Variants in C4orf50 observed in about 807,000 individuals in gnomAD.
The protein encoded by C4orf50 is uncharacterized protein C4orf50.
Under a neutral mutation model 77.2 loss-of-function variants are expected in C4orf50, and 80 were observed. That is an observed-to-expected ratio of 1.04 (90% CI 0.87 to 1.25). The LOEUF is 1.25. Ranked by LOEUF, C4orf50 falls within the 50% of genes most tolerant of loss-of-function variation. The pLI is 0.00. For missense variants in C4orf50, 1,257 were observed against 1,152.9 expected, an observed-to-expected ratio of 1.09 and a Z score of -1.31; for synonymous variants, 532 against 465.3, an observed-to-expected ratio of 1.14 and a Z score of -1.84.
At chr4:5,960,702 G>A (rs978337938) in intron 33 of C4orf50, among the ~76,000 whole-genome samples, 12 of 152,210 alleles carry the variant, frequency 7.9e-5, no homozygotes, top group African/African-American at 2.9e-4. Context: ...CAGGACGGAA[G>A]TACTGACTGC....
chr4:5,948,535 G>A (rs1718582918), intron 7 of C4orf50, among the ~76,000 whole-genome samples: 1 of 152,168 alleles, frequency 6.6e-6, no homozygotes, highest in Admixed American at 6.5e-5. Flanking sequence ...GGTGGCTCAC[G>A]CCTGTAATCC....
At position 5,916,476 on chromosome 4, in the gene C4orf50, C is replaced by T. The variant is rs901463014; in HGVS notation, c.*2475-18288G>A. ...TTTTCCCTCACATCGCAGCCCACTC[C>T]CTTCTTCCCCAGGACACAGAGGAGA... On this transcript the variant is annotated intron_variant, in intron 7 of 7. Coordinates refer to the C4orf50 transcript ENST00000324058. The surrounding 1 kb of genome is among the most constrained non-coding windows in gnomAD (Gnocchi z 4.4). Among the ~76,000 whole-genome samples, 2 of 152,268 alleles carry T rather than the reference C, an allele frequency of 1.3e-5. No individual in the cohort carries two copies. Among genetic ancestry groups the T allele is most frequent in the Admixed American group, 1.3e-4 (2 of 15,302 alleles).
chr4:5,934,869 T>C (rs1346664869), intron 7 of C4orf50, among the ~76,000 whole-genome samples: 1 of 152,246 alleles, frequency 6.6e-6, no homozygotes, highest in Non-Finnish European at 1.5e-5. Flanking sequence ...CAGCCTGGTA[T>C]AGGCTTAAGT....
intron 29 of C4orf50, among the ~76,000 whole-genome samples, chr4:5,979,956 C>CACATTTTAAA: frequency 6.6e-6 from 1 of 152,064 alleles, no homozygotes; most frequent in African/African-American, 2.4e-5. Context: ...AAAGAAACCA[C>CACATTTTAAA]ATATGTGCAT....
intron 25 of C4orf50, among the ~76,000 whole-genome samples, chr4:5,997,687 C>T (rs1276617667): frequency 6.6e-6 from 1 of 152,184 alleles, no homozygotes; most frequent in African/African-American, 2.4e-5. Flanking sequence ...TCAGGATATC[C>T]GGGCATAAAC....
Position 5,992,652 on chromosome 4 carries a change from ATCTC to A in C4orf50, c.1221+147_1221+150del, listed in dbSNP as rs1243233082. Among the ~76,000 whole-genome samples, 8 of 150,896 alleles carry A rather than the reference ATCTC, an allele frequency of 5.3e-5. No individual in the cohort carries two copies. The highest frequency in any genetic ancestry group is 1.2e-4 in the African/African-American group (5 of 41,144). On this transcript the variant is annotated intron_variant, in intron 27 of 33. Transcript: ENST00000531445. The surrounding 1 kb of genome is among the most constrained non-coding windows in gnomAD (Gnocchi z 5.0). The stretch of plus-strand genomic sequence containing the variant: ...AGGATGTTTCATTTCCTCTCCTCAA[ATCTC>A]TCTCTCAACTACTTCCAGAATGTTC...
chr4:6,010,551 G>A (rs1451627883), intron 24 of C4orf50, among the ~76,000 whole-genome samples: 1 of 152,164 alleles, frequency 6.6e-6, no homozygotes, highest in Non-Finnish European at 1.5e-5. Context: ...CCTCTAGCAC[G>A]TGCGATGTGC....
chr4:5,979,664 G>A (rs1720464060), intron 29 of C4orf50, among the ~76,000 whole-genome samples: 1 of 152,202 alleles, frequency 6.6e-6, no homozygotes, highest in African/African-American at 2.4e-5. Context: ...CACCTGGGCT[G>A]GAGTGTACCT....
At chr4:5,923,293 T>G (rs1302915342) in intron 7 of C4orf50, 1 of 154,220 alleles carries the variant, frequency 6.5e-6, no homozygotes, top group Non-Finnish European at 1.5e-5. Context: ...TGACTCCAAG[T>G]CCAGTAATAA....
downstream of C4orf50, among the ~76,000 whole-genome samples, chr4:5,954,417 G>C (rs1166438681): frequency 2.0e-5 from 3 of 152,142 alleles, no homozygotes; most frequent in African/African-American, 7.2e-5. This position sits in a 1 kb window ranked among gnomAD's most constrained non-coding sequence, Gnocchi z 4.7. Flanking sequence ...CACTCAGACA[G>C]AGCCATGGCT....
chr4:5,973,759 C>A, exon 31 of C4orf50: 2 of 1,613,976 alleles, frequency 1.2e-6, no homozygotes, highest in South Asian at 1.1e-5. Flanking sequence ...GTTCCCCAGC[C>A]CATGTCTGTG....
At chr4:5,954,901 G>A (rs1232376128), downstream of C4orf50, among the ~76,000 whole-genome samples, 1 of 152,124 alleles carries the variant, frequency 6.6e-6, no homozygotes, top group African/African-American at 2.4e-5. This position sits in a 1 kb window ranked among gnomAD's most constrained non-coding sequence, Gnocchi z 4.7. Context: ...CGCAGGCATT[G>A]AGCTCCTGTT....
intron 23 of C4orf50, among the ~76,000 whole-genome samples, chr4:6,012,860 T>C (rs1402678586): frequency 1.3e-5 from 2 of 152,214 alleles, no homozygotes; most frequent in African/African-American, 4.8e-5. Flanking sequence ...AATGTGTCAG[T>C]CTTGCCTGTA....
chr4:5,988,997 GC>G lies in C4orf50; in HGVS notation c.3048del (p.Glu1016AspfsTer9), dbSNP rs1157953240. The G allele has an allele frequency of 9.8e-6, 15 of 1,535,958 alleles. No individual in the cohort carries two copies. The highest frequency in any genetic ancestry group is 1.3e-5 in the Non-Finnish European group (15 of 1,146,880). On this transcript the variant is annotated frameshift_variant, in exon 28 of 34. Transcript: ENST00000531445. LOFTEE classifies it high-confidence loss of function. ...TTCAGTGTTTCATTTTCCTCTTCAA[GC>G]TCCAAAATTTTGCAGTAACTCTTCC... is the stretch of plus-strand genomic sequence containing the variant.
Position 5,959,364 on chromosome 4 carries a change from G to A in C4orf50, c.*11C>T, listed in dbSNP as rs765685060. 2 of 1,609,546 alleles carry A rather than the reference G, an allele frequency of 1.2e-6. No homozygotes were observed. Among genetic ancestry groups the A allele is most frequent in the Non-Finnish European group, 1.7e-6 (2 of 1,176,292 alleles). On this transcript the variant is annotated 3_prime_UTR_variant, in exon 34 of 34. Transcript: ENST00000531445. ...AGTCTATGAAATGGCTCCGGAGAAT[G>A]AGTGGCCCTATTACATTTCTAACTC...
intron 33 of C4orf50, among the ~76,000 whole-genome samples, chr4:5,963,364 G>C (rs1719381400): frequency 6.6e-6 from 1 of 151,942 alleles, no homozygotes; most frequent in African/African-American, 2.4e-5. Context: ...AATTATCCTA[G>C]GAATGATCAA....
chr4:5,951,123 G>C (rs973159602), intron 7 of C4orf50, among the ~76,000 whole-genome samples: 3 of 152,162 alleles, frequency 2.0e-5, no homozygotes, highest in Admixed American at 1.3e-4. Flanking sequence ...CAGAACTAGG[G>C]TCCCGTCGAG....
At chr4:5,980,431 G>A in intron 28 of C4orf50, 93 bp from the exon 7 acceptor site, 1 of 941,096 alleles carries the variant, frequency 1.1e-6, no homozygotes, top group Non-Finnish European at 1.5e-6. Flanking sequence ...CCACTCCGTA[G>A]TTTTTTTTTT....
rs1173682687 is a variant in C4orf50 at position 5,963,464 on chromosome 4, T to C, written c.4275+1560A>G. The stretch of plus-strand genomic sequence containing the variant: ...TTTAAGGTCAATAACAATAGCTATC[T>C]TTTTTTTAATACCTCCTCTATTTTT... On this transcript the variant is annotated intron_variant, in intron 33 of 33. Coordinates refer to ENST00000531445, the Ensembl canonical transcript of C4orf50. Among the ~76,000 whole-genome samples, 3 of 152,036 alleles carry C rather than the reference T, an allele frequency of 2.0e-5. 1 individual carries two copies. In the East Asian group the frequency reaches 5.8e-4, roughly 29 times the overall value.
Sources: gnomAD v4.1 joint callset for allele counts (sites outside exome capture counted in the v4.1 genomes callset) on GRCh38, gnomAD v4.1.1 for gene constraint, Gnocchi (gnomAD v3.1) non-coding constraint, MANE v1.5 for transcripts, NCBI Gene and HGNC (gene_info 2026-07-23, HGNC 2026-07-21) for gene names.